WDR36: variants seen among roughly 807,000 people sequenced by gnomAD.
WDR36 encodes WD repeat-containing protein 36.
WDR36 carries 63 observed loss-of-function variants against 112.7 expected under a neutral mutation model. That is an observed-to-expected ratio of 0.56 (90% CI 0.46 to 0.69). The LOEUF (loss-of-function observed/expected upper bound fraction) is 0.69, where lower values mean the gene tolerates loss of function less well. Ranked by LOEUF, WDR36 falls within the 30% of genes least tolerant of loss-of-function variation. The pLI, the probability that WDR36 is intolerant of heterozygous loss-of-function variation, is 0.00. For synonymous variants in WDR36, 410 were observed against 362.2 expected (o/e 1.13, Z -1.50); for missense variants, 1,226 against 1,070.3 (o/e 1.15, Z -2.03).
chr5:111,110,061 T>A, intron 12 of WDR36, 128 bp from the exon 13 acceptor site: 1 of 693,628 alleles, frequency 1.4e-6, no homozygotes, highest in Non-Finnish European at 2.6e-6. Context: ...AAAAAACTAA[T>A]GAAGCAATTC....
Position 111,127,293 on chromosome 5 carries a change from T to C in WDR36, c.*410T>C, listed in dbSNP as rs1753694286. 4.7e-6 allele frequency: 1 copy of C among 211,360 alleles called. No individual in the cohort carries two copies. The highest frequency in any genetic ancestry group is 5.8e-5 in the Admixed American group (1 of 17,186). The allele number at this position is 211,360 out of a possible 1,614,324, so 13.1% of individuals were successfully genotyped here. On this transcript the variant is annotated 3_prime_UTR_variant, in exon 23 of 23. Coordinates refer to ENST00000513710, the MANE Select transcript of WDR36 (RefSeq NM_139281.3). ...TAACTTTTATATGATTTTTAAAAAA[T>C]TATTACCTGCTTATATTTTTTGAGT...
Position 111,092,397 on chromosome 5 carries a change from G to C in WDR36, c.-60G>C, listed in dbSNP as rs1481190360. ...GACTGTTCCACTAGACACGCTGAAG[G>C]GACTGGGTACGTGTTTTCCTTCAGG... is the stretch of plus-strand genomic sequence containing the variant. On this transcript the variant is annotated 5_prime_UTR_variant, in exon 1 of 23. Coordinates refer to ENST00000513710, the MANE Select transcript of WDR36 (RefSeq NM_139281.3). 5 of 1,614,126 alleles carry C rather than the reference G, an allele frequency of 3.1e-6. No individual in the cohort carries two copies. Among genetic ancestry groups the C allele is most frequent in the Admixed American group, 3.3e-5 (2 of 60,018 alleles).
rs148990528 is a variant in WDR36, at chr5:111,097,122, C to T, written c.234C>T (p.Gly78=). Residue 78 remains glycine, a synonymous_variant, in exon 3 of 23, where the codon GGC becomes GGT. Transcript: ENST00000513710. ...ATATCTGCTGTATGGCAGCTGATGG[C>T]AGATTAGTCTTTGCTGCTTATGGAA... ...PQDICCMAAD[G]RLVFAAYGNV... The T allele has an allele frequency of 0.012, 20,080 of 1,613,494 alleles. 188 individuals are homozygous for T. The highest frequency in any genetic ancestry group is 0.015 in the Non-Finnish European group (17,457 of 1,179,650).
At chr5:111,103,941 A>C in intron 7 of WDR36, 23 bp downstream of exon 7, 5 of 1,609,654 alleles carry the variant, frequency 3.1e-6, no homozygotes, top group Non-Finnish European at 4.2e-6. Context: ...ATACTTATTG[A>C]TAGGAGTTAA....
chr5:111,109,964 T>A (rs1246225471), intron 12 of WDR36, among the ~76,000 whole-genome samples: 2 of 151,472 alleles, frequency 1.3e-5, no homozygotes, highest in African/African-American at 4.8e-5. Context: ...TTTGTTTTCT[T>A]AGATAGTAAT....
Position 111,092,494 on chromosome 5 carries a change from T to C in WDR36, c.38T>C (p.Leu13Pro), listed in dbSNP as rs1488003824. Residue 13 changes from leucine to proline, a missense_variant, in exon 1 of 23, where the codon CTT becomes CCT. Leu to Pro is a moderately conservative substitution (Grantham distance 98). Transcript: ENST00000513710. ...RASERRTASA[L>P]FAGFRALGLF... ...TCAGAAAGGCGCACGGCCAGCGCGC[T>C]TTTTGCGGGGTTCCGGGCCTTGGGA... is the stretch of plus-strand genomic sequence containing the variant. 1 of 1,614,086 alleles carries C rather than the reference T, an allele frequency of 6.2e-7. No individual in the cohort carries two copies. The highest frequency in any genetic ancestry group is 8.5e-7 in the Non-Finnish European group (1 of 1,180,044).
chr5:111,105,990 C>T, intron 10 of WDR36, 67 bp from the exon 11 acceptor site: 1 of 1,268,906 alleles, frequency 7.9e-7, no homozygotes, highest in Admixed American at 1.7e-5. Context: ...GATAGCTTTT[C>T]TTTTATATAC....
chr5:111,095,538 T>G (rs1278149369), intron 2 of WDR36, among the ~76,000 whole-genome samples: 1 of 152,244 alleles, frequency 6.6e-6, no homozygotes, highest in African/African-American at 2.4e-5. Context: ...CAAATGCATG[T>G]TGATTATCCT....
At chr5:111,118,801 T>C (rs1451752374) in intron 16 of WDR36, among the ~76,000 whole-genome samples, 1 of 152,192 alleles carries the variant, frequency 6.6e-6, no homozygotes, top group African/African-American at 2.4e-5. Flanking sequence ...TAGTTAATGT[T>C]GTCTTTCTCA....
chr5:111,125,416 T>C lies in WDR36; in HGVS notation c.2351-192T>C, dbSNP rs532220139. Among the ~76,000 whole-genome samples the C allele has an allele frequency of 8.5e-5, 13 of 152,316 alleles. No homozygotes were observed. In the East Asian group the frequency reaches 2.3e-3, roughly 27 times the overall value. ...TGTGTTTTGAGTACTTTCTCTTATA[T>C]TGGTGTCATCGTTTGTACTGATTTT... is the stretch of plus-strand genomic sequence containing the variant. On this transcript the variant is annotated intron_variant, in intron 21 of 22. Coordinates refer to ENST00000513710, the MANE Select transcript of WDR36 (RefSeq NM_139281.3).
intron 12 of WDR36, among the ~76,000 whole-genome samples, chr5:111,108,511 A>G (rs1472042131): frequency 3.3e-5 from 5 of 151,258 alleles, no homozygotes; most frequent in African/African-American, 1.2e-4. Context: ...AAGCTTTTAT[A>G]TAATTTTCTA....
At chr5:111,120,462 T>C (rs762045336) in intron 17 of WDR36, 34 bp from the exon 18 acceptor site, 2 of 1,538,702 alleles carry the variant, frequency 1.3e-6, no homozygotes, top group South Asian at 2.2e-5. Flanking sequence ...CTTTTTATAA[T>C]TTTTAAAATA....
At chr5:111,104,575 C>T (rs759648577) in intron 8 of WDR36, 122 bp from the exon 9 acceptor site, 158 of 1,491,280 alleles carry the variant, frequency 1.1e-4, no homozygotes, top group Non-Finnish European at 1.4e-4. Flanking sequence ...TCCCTTGTAG[C>T]TCCAGAGTCA....
rs1248681820 is a variant in WDR36, at chr5:111,128,529, A to G, written c.*1646A>G. The G allele has an allele frequency of 1.1e-5, 2 of 179,134 alleles. No individual in the cohort carries two copies. The highest frequency in any genetic ancestry group is 2.4e-5 in the Non-Finnish European group (2 of 83,436). The allele number at this position is 179,134 out of a possible 1,614,324, so 11.1% of individuals were successfully genotyped here. On this transcript the variant is annotated 3_prime_UTR_variant, in exon 23 of 23. Coordinates refer to ENST00000513710, the MANE Select transcript of WDR36 (RefSeq NM_139281.3). ...TAAATTGGAATATGGCAAAATCCCAATATATAATTCTATACCTAGTAAAGA... is the reference window on the plus strand; with the variant it reads ...TAAATTGGAATATGGCAAAATCCCAGTATATAATTCTATACCTAGTAAAGA...
At chr5:111,097,041 A>C (rs777125029) in intron 2 of WDR36, 38 bp from the exon 3 acceptor site, 3 of 1,508,038 alleles carry the variant, frequency 2.0e-6, no homozygotes, top group Non-Finnish European at 2.8e-6. Context: ...TTAACATCTT[A>C]AAAATCCCTG....
intron 16 of WDR36, 86 bp from the exon 17 acceptor site, chr5:111,118,927 C>T (rs925386214): frequency 2.5e-5 from 28 of 1,106,204 alleles, no homozygotes; most frequent in Non-Finnish European, 3.3e-5. Flanking sequence ...TCTCTTATCC[C>T]TTATCTTTTT....
Position 111,110,859 on chromosome 5 carries a change from G to A in WDR36, c.1513G>A (p.Gly505Arg). ...GTTGACAGTTACAACTGGTAGTGAA[G>A]GATTACTCAAATTCTGGAACTTTAA... ...NQLTVTTGSE[G>R]LLKFWNFKNK... Residue 505 changes from glycine (G) to arginine (R), a missense_variant, in exon 14 of 23, where the codon GGA (glycine) becomes AGA (arginine). Gly to Arg is a moderately radical substitution (Grantham distance 125). Transcript: ENST00000513710. 2 of 1,611,546 alleles carry A rather than the reference G, an allele frequency of 1.2e-6. No individual in the cohort carries two copies.
intron 11 of WDR36, 50 bp downstream of exon 11, chr5:111,106,193 TC>T: frequency 7.0e-7 from 1 of 1,427,762 alleles, no homozygotes; most frequent in Non-Finnish European, 9.9e-7. Context: ...GTCATTTATT[TC>T]CTACTGTATG....
At chr5:111,125,527 T>G in intron 21 of WDR36, 81 bp from the exon 22 acceptor site, 4 of 1,349,844 alleles carry the variant, frequency 3.0e-6, no homozygotes, top group Non-Finnish European at 4.1e-6. Context: ...ATATATCCTA[T>G]TTGGGGTATA....
Sources: gnomAD v4.1 joint callset for allele counts (sites outside exome capture counted in the v4.1 genomes callset) on GRCh38, gnomAD v4.1.1 for gene constraint, MANE v1.5 for transcripts, NCBI Gene and HGNC (gene_info 2026-07-23, HGNC 2026-07-21) for gene names.